Variants in G3BP1 observed in about 807,000 individuals in gnomAD.
G3BP1 encodes G3BP stress granule assembly factor 1.
In G3BP1, 35 loss-of-function variants were observed where a neutral mutation model predicts 58.6. That is an observed-to-expected ratio of 0.60 (90% CI 0.46 to 0.79). The LOEUF is 0.79. Ranked by LOEUF, G3BP1 falls within the 30% of genes least tolerant of loss-of-function variation. The probability of loss-of-function intolerance (pLI) is 0.00; values close to 1 mark genes in which losing one functional copy is unlikely to be tolerated. For synonymous variants in G3BP1, 191 were observed against 195.4 expected (o/e 0.98, Z 0.19); for missense variants, 523 against 580.8 (o/e 0.90, Z 1.02).
rs778337336 is a variant in G3BP1, at chr5:151,795,491, A to G, written c.455A>G (p.Glu152Gly). 9 of 1,569,538 alleles carry G rather than the reference A, an allele frequency of 5.7e-6. No individual in the cohort carries two copies. Among genetic ancestry groups the G allele is most frequent in the Non-Finnish European group, 7.9e-6 (9 of 1,141,064 alleles). ...VTEPQEESEE[E>G]VEEPEERQQT... The stretch of plus-strand genomic sequence containing the variant: ...TTTTCTCACTTAGAGTCTGAAGAAG[A>G]AGTAGAGGAACCTGAAGAAAGACAG... The change falls in exon 6 of 12, where the codon GAA (glutamate) becomes GGA (glycine). Residue 152 changes from glutamate to glycine, a missense_variant. By Grantham distance (98) the Glu-to-Gly change is moderately conservative (BLOSUM62 -2). This residue lies in a region of G3BP1 where 398 missense variants were observed against 399.1 expected (regional missense o/e 1.00). Transcript: ENST00000356245.
chr5:151,786,973 G>A, intron 2 of G3BP1: 1 of 243,178 alleles, frequency 4.1e-6, no homozygotes, highest in Non-Finnish European at 7.8e-6. Flanking sequence ...CTCCTGAGTA[G>A]CTGGGACCAC....
chr5:151,777,389 A>G (rs575693389), intron 1 of G3BP1, among the ~76,000 whole-genome samples: 16 of 152,330 alleles, frequency 1.1e-4, no homozygotes, highest in Admixed American at 9.8e-4. Context: ...CTTAAATACT[A>G]TCGTACTCAG....
At chr5:151,778,262 G>A (rs184424189) in intron 1 of G3BP1, among the ~76,000 whole-genome samples, 1 of 152,290 alleles carries the variant, frequency 6.6e-6, no homozygotes, top group East Asian at 1.9e-4. Context: ...CTAACAGTGT[G>A]TATGGTCAGT....
At chr5:151,772,660 G>C (rs535152225) in intron 1 of G3BP1, 2 of 152,392 alleles carry the variant, frequency 1.3e-5, no homozygotes, top group African/African-American at 4.8e-5. Flanking sequence ...CTTGCAGTGA[G>C]CTGGCGAGGT....
chr5:151,787,604 C>T (rs887015180), intron 2 of G3BP1, among the ~76,000 whole-genome samples: 3 of 152,150 alleles, frequency 2.0e-5, no homozygotes, highest in Admixed American at 6.5e-5. Context: ...GTACTTTAAT[C>T]TCCTAATGAT....
At chr5:151,778,958 G>A (rs1191567504) in intron 1 of G3BP1, among the ~76,000 whole-genome samples, 1 of 151,922 alleles carries the variant, frequency 6.6e-6, no homozygotes, top group Non-Finnish European at 1.5e-5. Flanking sequence ...TTGAGAAACT[G>A]AGGCATGAGA....
At chr5:151,781,329 A>G (rs948594212) in intron 1 of G3BP1, among the ~76,000 whole-genome samples, 2 of 152,220 alleles carry the variant, frequency 1.3e-5, no homozygotes, top group Non-Finnish European at 2.9e-5. Flanking sequence ...TTTAGTATAT[A>G]CTGTACTATA....
intron 11 of G3BP1, among the ~76,000 whole-genome samples, chr5:151,803,462 A>G (rs545351406): frequency 5.3e-5 from 8 of 151,958 alleles, no homozygotes; most frequent in African/African-American, 1.9e-4. Flanking sequence ...AAAAAACTGA[A>G]CTGTGAGAAC....
intron 11 of G3BP1, among the ~76,000 whole-genome samples, chr5:151,802,954 A>G (rs563077101): frequency 1.3e-3 from 204 of 152,240 alleles, no homozygotes; most frequent in African/African-American, 4.4e-3. Flanking sequence ...AAATAAATAA[A>G]TTTGAATAGA....
intron 7 of G3BP1, among the ~76,000 whole-genome samples, chr5:151,798,412 G>C (rs1411295507): frequency 2.0e-5 from 3 of 152,062 alleles, no homozygotes; most frequent in Non-Finnish European, 4.4e-5. Flanking sequence ...CCACTTAGTT[G>C]GTTATTATAG....
chr5:151,790,438 C>G (rs377470249), intron 3 of G3BP1, 34 bp downstream of exon 3: 351 of 1,206,218 alleles, frequency 2.9e-4, no homozygotes, highest in Non-Finnish European at 3.9e-4. Flanking sequence ...GGCTGTTAAG[C>G]AGGTAGAAAA....
chr5:151,773,581 TAGTG>T (rs1762315263), intron 1 of G3BP1, among the ~76,000 whole-genome samples: 2 of 152,332 alleles, frequency 1.3e-5, no homozygotes, highest in South Asian at 4.1e-4. Context: ...CTCCTTGGCT[TAGTG>T]AAATAAATCT....
rs777423262 is a variant in G3BP1, at chr5:151,786,683, A to G, written c.63A>G (p.Thr21=). The change falls in exon 2 of 12, where the codon ACA becomes ACG. Residue 21 remains threonine, a synonymous_variant. Coordinates refer to ENST00000356245, the MANE Select transcript of G3BP1 (RefSeq NM_005754.3). The stretch of plus-strand genomic sequence containing the variant: ...GGGAATTTGTGAGACAGTATTACAC[A>G]CTGCTGAACCAGGCCCCAGACATGC... The part of the protein sequence containing the change: ...VGREFVRQYY[T]LLNQAPDMLH... 1.1e-5 allele frequency: 17 copies of G among 1,612,476 alleles called. No homozygotes were observed. The highest frequency in any genetic ancestry group is 1.4e-5 in the Non-Finnish European group (16 of 1,178,538).
Position 151,807,531 on chromosome 5 carries a change from A to G in G3BP1, c.*3440A>G, listed in dbSNP as rs1762954183. 6.6e-6 allele frequency: 1 copy of G among 152,228 alleles called. No homozygotes were observed. Among genetic ancestry groups the G allele is most frequent in the Non-Finnish European group, 1.5e-5 (1 of 68,046 alleles). The allele number at this position is 152,228 out of a possible 1,614,324, so 9.4% of individuals were successfully genotyped here. On this transcript the variant is annotated 3_prime_UTR_variant, in exon 12 of 12. Coordinates refer to ENST00000356245, the MANE Select transcript of G3BP1 (RefSeq NM_005754.3). ...AGTCTTTTTTTGATTTGCAGATTATATATGGTAACACAATAATGGTGGTTT... is the reference window on the plus strand; with the variant it reads ...AGTCTTTTTTTGATTTGCAGATTATGTATGGTAACACAATAATGGTGGTTT...
intron 4 of G3BP1, among the ~76,000 whole-genome samples, chr5:151,793,831 C>CAAAAAA (rs751382380): frequency 1.2e-4 from 12 of 97,792 alleles, no homozygotes; most frequent in Non-Finnish European, 1.6e-4. Flanking sequence ...CGTCTCTACT[C>CAAAAAA]AAAAAAAAAA....
intron 4 of G3BP1, chr5:151,792,233 T>C (rs928208204): frequency 6.2e-6 from 2 of 322,256 alleles, no homozygotes; most frequent in East Asian, 1.0e-4. Flanking sequence ...AGCATGTATA[T>C]AGAAATGGCA....
intron 1 of G3BP1, among the ~76,000 whole-genome samples, chr5:151,779,763 A>T (rs775782568): frequency 5.3e-5 from 8 of 152,218 alleles, no homozygotes; most frequent in Non-Finnish European, 8.8e-5. Flanking sequence ...AGTTGTTTTC[A>T]ATCTTAAAAG....
chr5:151,790,830 G>C, intron 3 of G3BP1, 59 bp from the exon 4 acceptor site: 1 of 987,188 alleles, frequency 1.0e-6, no homozygotes, highest in Admixed American at 2.3e-5. Flanking sequence ...TTAGTTGGAG[G>C]TTATTTAAAT....
intron 11 of G3BP1, among the ~76,000 whole-genome samples, chr5:151,802,958 G>C (rs1762878525): frequency 2.0e-5 from 3 of 151,842 alleles, no homozygotes; most frequent in Admixed American, 2.0e-4. Flanking sequence ...AAATAAATTT[G>C]AATAGAACAC....
Sources: gnomAD v4.1 joint callset for allele counts (sites outside exome capture counted in the v4.1 genomes callset) on GRCh38, gnomAD v4.1.1 for gene constraint, gnomAD v4.1.1 regional missense constraint, MANE v1.5 for transcripts, NCBI Gene and HGNC (gene_info 2026-07-23, HGNC 2026-07-21) for gene names.